Variants in ZNF771 observed in about 807,000 individuals in gnomAD.
ZNF771 encodes the protein zinc finger protein 771.
A neutral mutation model predicts 27.6 loss-of-function variants in ZNF771; 10 were observed. That is an observed-to-expected ratio of 0.36 (90% CI 0.22 to 0.61). The LOEUF (loss-of-function observed/expected upper bound fraction) is 0.61, where lower values mean the gene tolerates loss of function less well. ZNF771 is among the 20% of genes least tolerant of loss of function. The pLI, the probability that ZNF771 is intolerant of heterozygous loss-of-function variation, is 0.70. For missense variants in ZNF771, 438 were observed against 503.7 expected, an observed-to-expected ratio of 0.87 and a Z score of 1.25; for synonymous variants, 261 against 225.2, an observed-to-expected ratio of 1.16 and a Z score of -1.43.
intron 2 of ZNF771, among the ~76,000 whole-genome samples, chr16:30,415,269 T>G (rs1192500155): frequency 6.6e-6 from 1 of 151,926 alleles, no homozygotes; most frequent in Non-Finnish European, 1.5e-5. Flanking sequence ...ATTTTCTAAT[T>G]TCTGAGTTGG....
intron 2 of ZNF771, among the ~76,000 whole-genome samples, chr16:30,417,246 G>A (rs1183407575): frequency 6.6e-6 from 1 of 152,240 alleles, no homozygotes. Flanking sequence ...ATTTCTGAAA[G>A]CAGGAATTTT....
At chr16:30,416,744 C>T (rs1438407973) in intron 2 of ZNF771, among the ~76,000 whole-genome samples, 2 of 151,986 alleles carry the variant, frequency 1.3e-5, no homozygotes, top group Non-Finnish European at 2.9e-5. Context: ...CACTTCCCTG[C>T]TCAAAGCCCT....
At position 30,408,120 on chromosome 16, in the gene ZNF771, G is replaced by T. The variant is rs1014128509; in HGVS notation, c.67G>T (p.Val23Leu). ...GATGCAGGAGGAGATGGTGCTGCTG[G>T]TGAAGGGTGAGGAGGATGAGGGTGA... ...EEMQEEMVLL[V>L]KGEEDEGEEK... The change falls in exon 2 of 3, where the codon GTG becomes TTG. Residue 23 changes from valine to leucine, a missense_variant. Val to Leu is a conservative substitution (Grantham distance 32). Transcript: ENST00000319296. The T allele has an allele frequency of 6.2e-7, 1 of 1,610,820 alleles. No individual in the cohort carries two copies. Among genetic ancestry groups the T allele is most frequent in the Non-Finnish European group, 8.5e-7 (1 of 1,177,186 alleles).
chr16:30,417,728 G>T lies in ZNF771; in HGVS notation c.315G>T (p.Ala105=). The T allele has an allele frequency of 7.1e-7, 1 of 1,402,964 alleles. No individual in the cohort carries two copies. Among genetic ancestry groups the T allele is most frequent in the Non-Finnish European group, 9.2e-7 (1 of 1,083,320 alleles). 86.9% of individuals were successfully genotyped at this position (1,402,964 alleles called of 1,614,324 possible). Residue 105 remains alanine, a synonymous_variant, in exon 3 of 3, where the codon GCG becomes GCT. Coordinates refer to ENST00000319296, the MANE Select transcript of ZNF771 (RefSeq NM_001142305.2). ...ECGRRFSQKS[A]LTKHGRTHTG... ...GGCGGCGCTTCTCACAGAAGTCGGC[G>T]CTGACCAAACACGGCCGCACGCACA... is the stretch of plus-strand genomic sequence containing the variant.
intron 2 of ZNF771, among the ~76,000 whole-genome samples, chr16:30,411,094 G>A (rs8045252): frequency 0.17 from 25,926 of 151,696 alleles, 2,629 homozygotes; most frequent in South Asian, 0.24. Flanking sequence ...TGAGGCGGGC[G>A]GATCACTTGA....
chr16:30,417,267 TTATTTAA>T (rs1156788790), intron 2 of ZNF771, among the ~76,000 whole-genome samples: 13 of 152,282 alleles, frequency 8.5e-5, no homozygotes, highest in Admixed American at 8.5e-4. Context: ...TTAATGCTTT[TTATTTAA>T]TGCGGAATCC....
At chr16:30,416,604 C>G (rs557234679) in intron 2 of ZNF771, among the ~76,000 whole-genome samples, 4 of 152,330 alleles carry the variant, frequency 2.6e-5, no homozygotes, top group East Asian at 3.9e-4. Flanking sequence ...GTATGAGCCA[C>G]TATCTTCTCT....
intron 2 of ZNF771, 132 bp from the exon 3 acceptor site, chr16:30,417,423 G>A: frequency 6.1e-6 from 3 of 493,102 alleles, no homozygotes; most frequent in Non-Finnish European, 9.1e-6. Context: ...GCCATCCTGG[G>A]AGGCAGCACC....
Position 30,418,590 on chromosome 16 carries a change from T to G in ZNF771, c.*223T>G. On this transcript the variant is annotated 3_prime_UTR_variant, in exon 3 of 3. Transcript: ENST00000319296. ...CCGTGTTAGTGAATAAAGTATTATA[T>G]CCTCACCCCACCCGTGCCTGTGAGT... The G allele has an allele frequency of 4.5e-6, 2 of 440,478 alleles. No homozygotes were observed. Among genetic ancestry groups the G allele is most frequent in the African/African-American group, 2.0e-5 (1 of 49,004 alleles). 27.3% of individuals were successfully genotyped at this position (440,478 alleles called of 1,614,324 possible).
At chr16:30,410,105 C>CT (rs912511119) in intron 2 of ZNF771, among the ~76,000 whole-genome samples, 468 of 143,168 alleles carry the variant, frequency 3.3e-3, no homozygotes, top group East Asian at 5.4e-3. Context: ...GATTTTTCAA[C>CT]TTTTTTTTTT....
chr16:30,408,088 A>T lies in ZNF771; in HGVS notation c.35A>T (p.Glu12Val). ...PGEQQAEEEE[E>V]EEMQEEMVLL... ...GAACAGCAGGCAGAGGAAGAGGAGG[A>T]GGAAGAGATGCAGGAGGAGATGGTG... The change falls in exon 2 of 3, where the codon GAG becomes GTG. Residue 12 changes from glutamate (E) to valine (V), a missense_variant. Transcript: ENST00000319296. 6.2e-7 allele frequency: 1 copy of T among 1,604,834 alleles called. No homozygotes were observed. Among genetic ancestry groups the T allele is most frequent in the Non-Finnish European group, 8.5e-7 (1 of 1,175,378 alleles).
At chr16:30,410,361 A>T (rs1462572915) in intron 2 of ZNF771, among the ~76,000 whole-genome samples, 1 of 152,124 alleles carries the variant, frequency 6.6e-6, no homozygotes, top group Non-Finnish European at 1.5e-5. Flanking sequence ...TCGGCCTCCC[A>T]AAGTGTTGGG....
At chr16:30,410,249 CG>C (rs2050096725) in intron 2 of ZNF771, among the ~76,000 whole-genome samples, 1 of 151,922 alleles carries the variant, frequency 6.6e-6, no homozygotes, top group Non-Finnish European at 1.5e-5. Context: ...ATTATAGGTG[CG>C]CACTACCATG....
chr16:30,409,514 C>T (rs895207844), intron 2 of ZNF771, among the ~76,000 whole-genome samples: 15 of 152,202 alleles, frequency 9.9e-5, no homozygotes, highest in Non-Finnish European at 1.9e-4. Context: ...CCAGAGGATT[C>T]TGTCTGCCCC....
intron 2 of ZNF771, chr16:30,414,680 T>A (rs11640950): frequency 0.17 from 26,173 of 152,200 alleles, 2,667 homozygotes; most frequent in South Asian, 0.24. Flanking sequence ...AGTCTCGCTC[T>A]GTTGCCCAGG....
rs1464155995 is a variant in ZNF771 at position 30,417,562 on chromosome 16, G to A, written c.149G>A (p.Gly50Asp). ...KIPMDNKEVP[G>D]EAPAPSADPA... ...ATCCCCCTCTCCCCGCAGGTCCCGGGCGAGGCGCCCGCGCCGTCCGCCGAC... is the reference window on the plus strand; with the variant it reads ...ATCCCCCTCTCCCCGCAGGTCCCGGACGAGGCGCCCGCGCCGTCCGCCGAC... The change falls in exon 3 of 3, where the codon GGC becomes GAC. Residue 50 changes from glycine to aspartate, a missense_variant. Around this residue, in one of 3 missense-constraint regions of ZNF771, gnomAD observed 84 missense variants for 89.2 expected, o/e 0.94. Transcript: ENST00000319296. The A allele has an allele frequency of 2.7e-5, 33 of 1,220,914 alleles. No individual in the cohort carries two copies. The highest frequency in any genetic ancestry group is 3.4e-5 in the Non-Finnish European group (33 of 982,556). The allele number at this position is 1,220,914 out of a possible 1,614,324, so 75.6% of individuals were successfully genotyped here. A position where few individuals can be genotyped will look rare whatever the true frequency, so the allele number is the denominator to read the frequency against.
intron 1 of ZNF771, 66 bp from the exon 2 acceptor site, chr16:30,407,979 A>G (rs1317227585): frequency 3.2e-6 from 3 of 927,060 alleles, no homozygotes; most frequent in African/African-American, 4.3e-5. Context: ...GGCCAGGGCC[A>G]CGGTGGGCGG....
At chr16:30,410,774 C>T (rs2050099628) in intron 2 of ZNF771, among the ~76,000 whole-genome samples, 1 of 135,590 alleles carries the variant, frequency 7.4e-6, no homozygotes, top group Non-Finnish European at 1.5e-5. Context: ...AATCCTAGCA[C>T]TTTGGAAAGC....
At position 30,418,043 on chromosome 16, in the gene ZNF771, G is replaced by C; in HGVS notation, c.630G>C (p.Thr210=). Residue 210 remains threonine (T), a synonymous_variant, in exon 3 of 3, where the codon ACG becomes ACC. Coordinates refer to ENST00000319296, the MANE Select transcript of ZNF771 (RefSeq NM_001142305.2). ...CCTACGCTTGCGCCGACTGCGGCAC[G>C]CGCTTCGCTCAGAGCTCGGCGCTGG... ...ERPYACADCG[T]RFAQSSALAK... The C allele has an allele frequency of 6.9e-7, 1 of 1,444,114 alleles. No homozygotes were observed. Among genetic ancestry groups the C allele is most frequent in the Non-Finnish European group, 9.0e-7 (1 of 1,109,054 alleles). The allele number at this position is 1,444,114 out of a possible 1,614,324, so 89.5% of individuals were successfully genotyped here.
Sources: allele counts gnomAD v4.1 joint callset (sites outside exome capture counted in the v4.1 genomes callset), GRCh38; gene constraint gnomAD v4.1.1; regional missense constraint gnomAD v4.1.1; transcripts MANE v1.5; gene names NCBI Gene and HGNC (gene_info 2026-07-23, HGNC 2026-07-21).